MACF1: variants seen among roughly 807,000 people sequenced by gnomAD.
MACF1 encodes microtubule actin crosslinking factor 1.
MACF1 carries 193 observed loss-of-function variants against 854.8 expected under a neutral mutation model. That is an observed-to-expected ratio of 0.23 (90% CI 0.20 to 0.25). The LOEUF is 0.25. Ranked by LOEUF, MACF1 falls within the 10% of genes least tolerant of loss-of-function variation. MACF1 has a pLI of 1.00. For synonymous variants in MACF1, 3,185 were observed against 3,226.7 expected, an observed-to-expected ratio of 0.99 and a Z score of 0.44; for missense variants, 7,722 against 8,929.1, an observed-to-expected ratio of 0.86 and a Z score of 5.45.
At chr1:39,173,351 A>AAAAAAAAAAAAAG (rs1553155692) in intron 2 of MACF1, among the ~76,000 whole-genome samples, 1 of 126,236 alleles carries the variant, frequency 7.9e-6, no homozygotes, top group Non-Finnish European at 1.6e-5. Context: ...AAAAAAAAAA[A>AAAAAAAAAAAAAG]AAAGAAAGAA....
At chr1:39,402,562 A>G (rs897150900) in intron 58 of MACF1, among the ~76,000 whole-genome samples, 4 of 152,200 alleles carry the variant, frequency 2.6e-5, no homozygotes, top group Non-Finnish European at 1.5e-5. Context: ...GGAGACAAAG[A>G]AGGACTGGCT....
chr1:39,235,095 A>C (rs1288526501), intron 2 of MACF1, among the ~76,000 whole-genome samples: 3 of 152,012 alleles, frequency 2.0e-5, no homozygotes, highest in Non-Finnish European at 4.4e-5. Flanking sequence ...CTCACTTCCC[A>C]GACGGGGTGG....
intron 99 of MACF1, among the ~76,000 whole-genome samples, chr1:39,481,644 C>A (rs1455379250): frequency 6.6e-6 from 1 of 152,176 alleles, no homozygotes; most frequent in East Asian, 1.9e-4. Context: ...CACATGCCAG[C>A]AATTAAGCAT....
Position 39,331,921 on chromosome 1 carries a change from C to T in MACF1, c.5333C>T (p.Pro1778Leu). Residue 1778 changes from proline (P) to leucine (L), a missense_variant, in exon 37 of 101, where the codon CCA becomes CTA. Coordinates refer to ENST00000564288, the MANE Select transcript of MACF1 (RefSeq NM_001394062.1). ...AQLFAGGIVD[P>L]RTGHRLTVEE... ...CTTTTTGCTGGTGGCATAGTAGATCCAAGAACAGGACACAGACTTACAGTG... is the reference window on the plus strand; with the variant it reads ...CTTTTTGCTGGTGGCATAGTAGATCTAAGAACAGGACACAGACTTACAGTG... 6.2e-7 allele frequency: 1 copy of T among 1,614,090 alleles called. No individual in the cohort carries two copies. The highest frequency in any genetic ancestry group is 8.5e-7 in the Non-Finnish European group (1 of 1,180,000).
At chr1:39,352,588 G>C (rs1647219498) in intron 43 of MACF1, among the ~76,000 whole-genome samples, 1 of 152,114 alleles carries the variant, frequency 6.6e-6, no homozygotes, top group South Asian at 2.1e-4. Context: ...CACGATCTTG[G>C]CTTACTGCAA....
chr1:39,308,360 T>A (rs1226646152), intron 23 of MACF1, among the ~76,000 whole-genome samples: 4 of 152,198 alleles, frequency 2.6e-5, no homozygotes. Context: ...TCTTTGGGAT[T>A]TCCTGAACTT....
chr1:39,095,436 G>A (rs1007815901), intron 2 of MACF1, among the ~76,000 whole-genome samples: 2 of 151,576 alleles, frequency 1.3e-5, no homozygotes, highest in East Asian at 1.9e-4. Context: ...GGTGGTGCGC[G>A]CCTGTAGTCC....
intron 2 of MACF1, among the ~76,000 whole-genome samples, chr1:39,127,741 G>A (rs1024813800): frequency 1.3e-5 from 2 of 152,056 alleles, no homozygotes; most frequent in Non-Finnish European, 2.9e-5. Flanking sequence ...CCTTTGAGCT[G>A]TTATTGTTTT....
chr1:39,350,712 C>T (rs1429807532), intron 42 of MACF1, 73 bp from the exon 43 acceptor site: 3 of 1,082,752 alleles, frequency 2.8e-6, no homozygotes, highest in African/African-American at 3.1e-5. Flanking sequence ...CTAGCCATTC[C>T]ATCTTTATAC....
intron 42 of MACF1, 111 bp downstream of exon 42, chr1:39,349,738 T>G: frequency 8.9e-7 from 1 of 1,118,136 alleles, no homozygotes; most frequent in Non-Finnish European, 1.2e-6. Context: ...GCTCAGGCAA[T>G]CCTCCCACCT....
chr1:39,484,095 G>A (rs980864322), intron 99 of MACF1, among the ~76,000 whole-genome samples: 8 of 152,230 alleles, frequency 5.3e-5, no homozygotes, highest in South Asian at 2.1e-4. Flanking sequence ...AGAGCTTGCG[G>A]TGATCCGAGA....
At chr1:39,236,358 T>TA (rs1285685748) in intron 2 of MACF1, among the ~76,000 whole-genome samples, 1 of 152,174 alleles carries the variant, frequency 6.6e-6, no homozygotes, top group African/African-American at 2.4e-5. Context: ...TATGACTCTG[T>TA]ATCTTTGTTC....
rs373738882 is a variant in MACF1 at position 39,337,234 on chromosome 1, A to G, written c.10118A>G (p.Tyr3373Cys). 2 of 1,614,088 alleles carry G rather than the reference A, an allele frequency of 1.2e-6. No homozygotes were observed. Among genetic ancestry groups the G allele is most frequent in the Admixed American group, 1.7e-5 (1 of 60,016 alleles). Residue 3373 changes from tyrosine (Y) to cysteine (C), a missense_variant, in exon 38 of 101, where the codon TAT becomes TGT. By Grantham distance (194) the Tyr-to-Cys change is radical. Around this residue, in one of 15 missense-constraint regions of MACF1, gnomAD observed 854 missense variants for 852.6 expected, o/e 1.00. Coordinates refer to ENST00000564288, the MANE Select transcript of MACF1 (RefSeq NM_001394062.1). ...CLEHDEKLVS[Y>C]LSLLRNIEMR... Reference sequence around the variant, plus strand: ...GAACATGATGAAAAGCTAGTATCCTATCTGTCTCTGTTACGGAACATTGAA... The same window carrying G: ...GAACATGATGAAAAGCTAGTATCCTGTCTGTCTCTGTTACGGAACATTGAA...
Position 39,357,571 on chromosome 1 carries a change from C to T in MACF1, c.11621C>T (p.Thr3874Ile), listed in dbSNP as rs748826565. 3 of 1,614,148 alleles carry T rather than the reference C, an allele frequency of 1.9e-6. No individual in the cohort carries two copies. Among genetic ancestry groups the T allele is most frequent in the Non-Finnish European group, 2.5e-6 (3 of 1,180,026 alleles). Residue 3874 changes from threonine (T) to isoleucine (I), a missense_variant, in exon 45 of 101, where the codon ACA (threonine) becomes ATA (isoleucine). Transcript: ENST00000564288. ...QSEAELKQVQ[T>I]LQDELQKFLQ... is the part of the protein sequence containing the mutation. ...GAGGCAGAACTGAAGCAGGTGCAGA[C>T]ACTTCAGGATGAGTTGCAGAAATTT...
rs1282677485 is a variant in MACF1, at chr1:39,190,395, GTTTTTGTTTTTTTT to G, written c.221-40781_221-40768del. 7.6e-5 allele frequency among the ~76,000 whole-genome samples: 6 copies of G among 79,058 alleles called. No homozygotes were observed. In the East Asian group the frequency reaches 2.3e-3, roughly 30 times the overall value. The allele number at this position is 79,058 out of a possible 152,430, so 51.9% of individuals were successfully genotyped here. A position where few individuals can be genotyped will look rare whatever the true frequency, so the allele number is the denominator to read the frequency against. ...TGTGTGTGTGTGTGTGTGTGTGTTT[GTTTTTGTTTTTTTT>G]TTTTTTTTTTGATGGAATCTTGCTT... On this transcript the variant is annotated intron_variant, in intron 2 of 93. Transcript: ENST00000361689.
In MACF1 at chr1:39,419,943, C is replaced by T. The variant is rs141005491; in HGVS notation, c.15817-2431C>T. 7.0e-3 allele frequency among the ~76,000 whole-genome samples: 1,068 copies of T among 152,260 alleles called. 15 individuals carry two copies. Among genetic ancestry groups the T allele is most frequent in the Middle Eastern group, 0.017 (5 of 294 alleles). ...TTGGCCTCCCAAAGTGCCAGGATTA[C>T]AGGCATGAGCCACTTGCCTAGCCTA... On this transcript the variant is annotated intron_variant, in intron 58 of 100. Coordinates refer to ENST00000564288, the MANE Select transcript of MACF1 (RefSeq NM_001394062.1).
At chr1:39,412,357 C>A (rs376127172) in intron 58 of MACF1, 2 of 1,613,916 alleles carry the variant, frequency 1.2e-6, no homozygotes, top group African/African-American at 2.7e-5. Context: ...AAATAACAGT[C>A]TGACATCAAT....
chr1:39,448,585 G>T lies in MACF1; in HGVS notation c.20089-9G>T. The T allele has an allele frequency of 6.8e-7, 1 of 1,472,814 alleles. No individual in the cohort carries two copies. 91.2% of individuals were successfully genotyped at this position (1,472,814 alleles called of 1,614,324 possible). Reference sequence around the variant, plus strand: ...TTAACACTTTTTTCTTTTCTTTCTGGAAACATAGGAGTTTCAGAAGACTCT... The same window carrying T: ...TTAACACTTTTTTCTTTTCTTTCTGTAAACATAGGAGTTTCAGAAGACTCT... On this transcript the variant is annotated splice_polypyrimidine_tract_variant and intron_variant, in intron 83 of 100. Coordinates refer to ENST00000564288, the MANE Select transcript of MACF1 (RefSeq NM_001394062.1).
chr1:39,169,981 C>T (rs1309629627), intron 2 of MACF1, among the ~76,000 whole-genome samples: 1 of 151,322 alleles, frequency 6.6e-6, no homozygotes, highest in Admixed American at 6.6e-5. Flanking sequence ...TGGGGTTTCA[C>T]CTTGTTAGCC....
Sources: gnomAD v4.1 joint callset for allele counts (sites outside exome capture counted in the v4.1 genomes callset) on GRCh38, gnomAD v4.1.1 for gene constraint, gnomAD v4.1.1 regional missense constraint, MANE v1.5 for transcripts, NCBI Gene and HGNC (gene_info 2026-07-23, HGNC 2026-07-21) for gene names.